The following KHDRBS2 variants were observed in gnomAD, a reference collection of about 807,000 sequenced individuals.
KHDRBS2 encodes the protein KH RNA binding domain containing, signal transduction associated 2, also known as KH domain-containing, RNA-binding, signal transduction-associated protein 2.
KHDRBS2 carries 26 observed loss-of-function variants against 44.3 expected under a neutral mutation model. That is an observed-to-expected ratio of 0.59 (90% CI 0.43 to 0.81). The LOEUF (loss-of-function observed/expected upper bound fraction) is 0.81, where lower values mean the gene tolerates loss of function less well. Ranked by LOEUF, KHDRBS2 falls within the 40% of genes least tolerant of loss-of-function variation. The pLI, the probability that KHDRBS2 is intolerant of heterozygous loss-of-function variation, is 0.00. For missense variants in KHDRBS2, 476 were observed against 433.1 expected (o/e 1.10, Z -0.88); for synonymous variants, 194 against 151.1 (o/e 1.28, Z -2.08).
At chr6:61,977,726 G>C (rs768768572) in intron 4 of KHDRBS2, among the ~76,000 whole-genome samples, 1 of 151,890 alleles carries the variant, frequency 6.6e-6, no homozygotes, top group Admixed American at 6.6e-5. Context: ...AATTGCAAAC[G>C]ATAAACTTTC....
chr6:62,271,328 T>C (rs2150188743), intron 1 of KHDRBS2, among the ~76,000 whole-genome samples: 1 of 152,290 alleles, frequency 6.6e-6, no homozygotes, highest in East Asian at 1.9e-4. Context: ...ACTCATGTGT[T>C]TGTGGTGATG....
In KHDRBS2 at chr6:61,798,152, T is replaced by C. The variant is rs78788943; in HGVS notation, c.811-65388A>G. Among the ~76,000 whole-genome samples, 21 of 152,248 alleles carry C rather than the reference T, an allele frequency of 1.4e-4. 1 individual carries two copies. In the East Asian group the frequency reaches 4.0e-3, roughly 29 times the overall value. ...TTCTGTTCTGCGTTAATTTGCAGTC[T>C]TGATTCACAGGAGAAATATCTCATG... On this transcript the variant is annotated intron_variant, in intron 6 of 8. Transcript: ENST00000281156.
intron 6 of KHDRBS2, among the ~76,000 whole-genome samples, chr6:61,870,145 C>A (rs1798448829): frequency 6.6e-6 from 1 of 152,088 alleles, no homozygotes; most frequent in Non-Finnish European, 1.5e-5. Context: ...GAAATTCTCG[C>A]TGCCAGCACA....
the KHDRBS2 span, among the ~76,000 whole-genome samples, chr6:61,593,111 G>A: frequency 1.3e-5 from 2 of 152,150 alleles, no homozygotes; most frequent in Non-Finnish European, 2.9e-5. Context: ...GATTGGGCAG[G>A]CAGTGGCAAA....
chr6:61,954,608 T>A (rs200577507), intron 4 of KHDRBS2, among the ~76,000 whole-genome samples: 3 of 106,340 alleles, frequency 2.8e-5, no homozygotes, highest in Admixed American at 2.7e-4. Flanking sequence ...ACATACATAC[T>A]TATGTATACA....
At chr6:61,786,380 A>G (rs1467530758) in intron 6 of KHDRBS2, among the ~76,000 whole-genome samples, 1 of 151,992 alleles carries the variant, frequency 6.6e-6, no homozygotes, top group Admixed American at 6.6e-5. Context: ...TGAATATAAC[A>G]TTTTATTTGC....
the KHDRBS2 span, among the ~76,000 whole-genome samples, chr6:61,606,469 G>T: frequency 6.6e-6 from 1 of 152,114 alleles, no homozygotes; most frequent in Non-Finnish European, 1.5e-5. Context: ...GGAGAAACAG[G>T]AGAAAAGGCA....
At chr6:62,048,753 T>A (rs1462219348) in intron 2 of KHDRBS2, among the ~76,000 whole-genome samples, 2 of 151,928 alleles carry the variant, frequency 1.3e-5, no homozygotes, top group Non-Finnish European at 2.9e-5. Flanking sequence ...TACGAAAGCA[T>A]TTATGTTAGC....
intron 6 of KHDRBS2, among the ~76,000 whole-genome samples, chr6:61,778,722 T>A (rs1782479404): frequency 6.6e-6 from 1 of 152,188 alleles, no homozygotes; most frequent in Non-Finnish European, 1.5e-5. Flanking sequence ...CTAAATGACA[T>A]ATGCCAAACC....
At chr6:61,566,302 G>T in the KHDRBS2 span, among the ~76,000 whole-genome samples, 1 of 152,080 alleles carries the variant, frequency 6.6e-6, no homozygotes, top group Non-Finnish European at 1.5e-5. Context: ...TTAGATAGTA[G>T]GAGTGAGAAC....
At chr6:61,906,969 T>A (rs1175857941) in intron 4 of KHDRBS2, among the ~76,000 whole-genome samples, 2 of 152,146 alleles carry the variant, frequency 1.3e-5, no homozygotes, top group African/African-American at 4.8e-5. Flanking sequence ...TTTTTAGTGT[T>A]TTGAGGAACC....
intron 2 of KHDRBS2, among the ~76,000 whole-genome samples, chr6:62,073,530 C>CTTTTTTTTTTTTTT (rs60124030): frequency 1.5e-4 from 19 of 124,402 alleles, no homozygotes; most frequent in South Asian, 7.7e-4. Context: ...TTTCTTTTTT[C>CTTTTTTTTTTTTTT]TTTTTTTTTT....
chr6:61,590,635 T>A, the KHDRBS2 span, among the ~76,000 whole-genome samples: 1 of 152,234 alleles, frequency 6.6e-6, no homozygotes, highest in Non-Finnish European at 1.5e-5. Context: ...CCTGTGGGTT[T>A]ACTTTGGGAA....
At chr6:62,006,267 T>C (rs1036342534) in intron 3 of KHDRBS2, among the ~76,000 whole-genome samples, 2 of 151,902 alleles carry the variant, frequency 1.3e-5, no homozygotes, top group African/African-American at 2.4e-5. Flanking sequence ...CAAAAAGAAA[T>C]GTAGTAATAA....
chr6:61,943,220 C>G (rs1812519879), intron 4 of KHDRBS2, among the ~76,000 whole-genome samples: 2 of 151,896 alleles, frequency 1.3e-5, no homozygotes, highest in African/African-American at 4.8e-5. Flanking sequence ...CCAGGGAATT[C>G]TTCATCATAA....
the KHDRBS2 span, among the ~76,000 whole-genome samples, chr6:61,604,419 C>A: frequency 3.3e-5 from 5 of 152,206 alleles, no homozygotes; most frequent in African/African-American, 1.2e-4. Context: ...ACCTACTCCA[C>A]CACTGAAACT....
chr6:61,947,039 C>T (rs1553393), intron 4 of KHDRBS2, among the ~76,000 whole-genome samples: 51,549 of 152,036 alleles, frequency 0.34, 8,963 homozygotes, highest in Middle Eastern at 0.41. Flanking sequence ...TCTTGTTTCA[C>T]TCTAGAATCA....
At chr6:62,101,629 A>G (rs531488167) in intron 2 of KHDRBS2, among the ~76,000 whole-genome samples, 1 of 152,308 alleles carries the variant, frequency 6.6e-6, no homozygotes, top group East Asian at 1.9e-4. Flanking sequence ...GGATATACTG[A>G]GTGATGGATA....
the KHDRBS2 span, among the ~76,000 whole-genome samples, chr6:61,622,067 A>G: frequency 6.6e-6 from 1 of 152,232 alleles, no homozygotes; most frequent in Non-Finnish European, 1.5e-5. Flanking sequence ...GAACCTGGGC[A>G]GAGGATCTAG....
Sources: allele counts gnomAD v4.1 joint callset (sites outside exome capture counted in the v4.1 genomes callset), GRCh38; gene constraint gnomAD v4.1.1; transcripts MANE v1.5; gene names NCBI Gene and HGNC (gene_info 2026-07-23, HGNC 2026-07-21).